The following GRM7 variants were observed in gnomAD, a reference collection of about 807,000 sequenced individuals.
The protein encoded by GRM7 is glutamate metabotropic receptor 7, also known as metabotropic glutamate receptor 7.
In GRM7, 35 loss-of-function variants were observed where a neutral mutation model predicts 84.5. The ratio of observed to expected loss-of-function variants is 0.41; its 90% CI spans 0.32 to 0.55. The LOEUF is 0.55. Ranked by LOEUF, GRM7 falls within the 20% of genes least tolerant of loss-of-function variation. The pLI is 0.19. For synonymous variants in GRM7, 487 were observed against 455.1 expected (o/e 1.07, Z -0.89); for missense variants, 1,003 against 1,194.6 (o/e 0.84, Z 2.36).
intron 5 of GRM7, among the ~76,000 whole-genome samples, chr3:7,439,768 T>C (rs1463281534): frequency 6.6e-6 from 1 of 152,284 alleles, no homozygotes; most frequent in East Asian, 1.9e-4. Context: ...AGCAGTGTTC[T>C]CAGCAAACCT....
intron 9 of GRM7, among the ~76,000 whole-genome samples, chr3:7,732,766 A>G (rs1022896314): frequency 6.6e-6 from 1 of 152,214 alleles, no homozygotes; most frequent in Admixed American, 6.5e-5. Flanking sequence ...TCTGATCCAG[A>G]CCCCAAGAAA....
intron 1 of GRM7, among the ~76,000 whole-genome samples, chr3:7,076,490 G>A (rs1294867561): frequency 6.6e-6 from 1 of 152,150 alleles, no homozygotes; most frequent in Non-Finnish European, 1.5e-5. Context: ...TGCCATGTAA[G>A]ATGCACTTGC....
intron 4 of GRM7, among the ~76,000 whole-genome samples, chr3:7,319,595 G>T (rs555019423): frequency 1.4e-3 from 216 of 152,080 alleles, no homozygotes; most frequent in African/African-American, 4.9e-3. Flanking sequence ...CTAGAAACCA[G>T]AATGTCTACA....
chr3:7,080,141 C>T (rs576681221), intron 1 of GRM7, among the ~76,000 whole-genome samples: 93 of 152,170 alleles, frequency 6.1e-4, no homozygotes, highest in Middle Eastern at 3.4e-3. Context: ...CCACAAACCT[C>T]TCCGAACTGT....
chr3:6,949,420 G>T (rs1218420648), intron 1 of GRM7, among the ~76,000 whole-genome samples: 1 of 152,168 alleles, frequency 6.6e-6, no homozygotes, highest in Non-Finnish European at 1.5e-5. Context: ...TCTGCTGAGA[G>T]ATCTGCTGTT....
intron 4 of GRM7, among the ~76,000 whole-genome samples, chr3:7,409,878 G>A (rs1484686270): frequency 6.6e-6 from 1 of 152,172 alleles, no homozygotes; most frequent in Admixed American, 6.5e-5. Flanking sequence ...GGGATTACAG[G>A]CGTGAGCCAC....
chr3:7,736,601 A>G (rs1305506378), intron 9 of GRM7, among the ~76,000 whole-genome samples: 1 of 152,140 alleles, frequency 6.6e-6, no homozygotes, highest in Non-Finnish European at 1.5e-5. Context: ...TATGGACAAC[A>G]CTGTAGTAGC....
chr3:7,158,701 A>C (rs556899554), intron 2 of GRM7, among the ~76,000 whole-genome samples: 3 of 152,280 alleles, frequency 2.0e-5, no homozygotes, highest in Non-Finnish European at 2.9e-5. Flanking sequence ...GGAAATATTA[A>C]ATACTAAATA....
chr3:7,177,529 G>C (rs1695193469), intron 2 of GRM7, among the ~76,000 whole-genome samples: 1 of 149,510 alleles, frequency 6.7e-6, no homozygotes, highest in African/African-American at 2.5e-5. Context: ...AGGGAAGGAA[G>C]GAGGGAGGAA....
At chr3:7,602,080 C>CA (rs562646639) in intron 8 of GRM7, among the ~76,000 whole-genome samples, 2,961 of 93,688 alleles carry the variant, frequency 0.032, 64 homozygotes, top group East Asian at 0.11. Context: ...ATTACCAGGA[C>CA]AAAAAAAAAA....
intron 7 of GRM7, 109 bp from the exon 8 acceptor site, chr3:7,578,313 A>G (rs76356172): frequency 0.033 from 22,678 of 694,636 alleles, 546 homozygotes; most frequent in Admixed American, 0.076. Flanking sequence ...AAACTATTCA[A>G]CCTCATGCCT....
At chr3:7,481,854 G>A (rs1362139007) in intron 7 of GRM7, among the ~76,000 whole-genome samples, 3 of 152,224 alleles carry the variant, frequency 2.0e-5, no homozygotes, top group Non-Finnish European at 4.4e-5. Context: ...CATAGAAGGT[G>A]TGAATGTACC....
In GRM7 at chr3:6,961,055, G is replaced by A. The variant is rs77798677; in HGVS notation, c.519+99148G>A. Among the ~76,000 whole-genome samples, 7 of 151,952 alleles carry A rather than the reference G, an allele frequency of 4.6e-5. 1 individual carries two copies. Among genetic ancestry groups the A allele is most frequent in the Admixed American group, 2.0e-4 (3 of 15,248 alleles). ...GGTGATTTCAAAATTTACACTGATC[G>A]TTTGCCCAAAATCCCAGTCTCTCTC... On this transcript the variant is annotated intron_variant, in intron 1 of 9. Transcript: ENST00000357716.
In GRM7 at chr3:7,118,825, G is replaced by A. The variant is rs550649869; in HGVS notation, c.520-27627G>A. 3.9e-5 allele frequency among the ~76,000 whole-genome samples: 6 copies of A among 152,024 alleles called. No homozygotes were observed. The East Asian group carries it at 7.8e-4, about 20-fold the overall frequency. On this transcript the variant is annotated intron_variant, in intron 1 of 9. Coordinates refer to ENST00000357716, the MANE Select transcript of GRM7 (RefSeq NM_000844.4). ...ACTGAATGAGGTTTTATTTTGTTTC[G>A]TTTTTTCCAATCACAAGAACATCGA...
intron 2 of GRM7, among the ~76,000 whole-genome samples, chr3:7,164,020 ACCATCTCACAGATTCTT>A (rs1694718030): frequency 1.3e-5 from 2 of 152,228 alleles, no homozygotes; most frequent in Admixed American, 1.3e-4. Flanking sequence ...CATGCAAGGG[ACCATCTCACAGATTCTT>A]CCATCCATGG....
chr3:7,137,600 GA>G (rs989575591), intron 1 of GRM7, among the ~76,000 whole-genome samples: 3 of 151,980 alleles, frequency 2.0e-5, no homozygotes, highest in Non-Finnish European at 4.4e-5. Context: ...TTTGAGTTGA[GA>G]AAAAAACTTG....
At chr3:7,366,866 AG>A (rs34663116) in intron 4 of GRM7, among the ~76,000 whole-genome samples, 151,898 of 151,898 alleles carry the variant, frequency 1, 75,949 homozygotes, top group Non-Finnish European at 1. Context: ...CTATTTAATA[AG>A]AAATAAAGTT....
chr3:7,117,344 C>A (rs1693071121), intron 1 of GRM7, among the ~76,000 whole-genome samples: 1 of 152,210 alleles, frequency 6.6e-6, no homozygotes, highest in African/African-American at 2.4e-5. Context: ...TAATACAGGT[C>A]TTGCCTAAGT....
chr3:7,330,155 C>A (rs936414537), intron 4 of GRM7, among the ~76,000 whole-genome samples: 4 of 152,136 alleles, frequency 2.6e-5, no homozygotes, highest in African/African-American at 9.7e-5. Context: ...CTCGTAAAAG[C>A]ACACTTCAGT....
Sources: gnomAD v4.1 joint callset for allele counts (sites outside exome capture counted in the v4.1 genomes callset) on GRCh38, gnomAD v4.1.1 for gene constraint, MANE v1.5 for transcripts, NCBI Gene and HGNC (gene_info 2026-07-23, HGNC 2026-07-21) for gene names.